The following PARP14 variants were observed in gnomAD, a reference collection of about 807,000 sequenced individuals.
The protein encoded by PARP14 is protein mono-ADP-ribosyltransferase PARP14.
Under a neutral mutation model 154.2 loss-of-function variants are expected in PARP14, and 59 were observed. The observed-to-expected ratio is 0.38, with a 90% CI of 0.31 to 0.48. The LOEUF (loss-of-function observed/expected upper bound fraction) is 0.48. Among genes scored for constraint, PARP14 ranks in the 20% least tolerant of loss-of-function variants. The pLI is 0.98. For missense variants in PARP14, 1,734 were observed against 2,131.6 expected, an observed-to-expected ratio of 0.81 and a Z score of 3.67; for synonymous variants, 720 against 780.5, an observed-to-expected ratio of 0.92 and a Z score of 1.29.
intron 2 of PARP14, 101 bp downstream of exon 2, chr3:122,685,419 G>T (rs1938340723): frequency 9.3e-7 from 1 of 1,077,788 alleles, no homozygotes; most frequent in Non-Finnish European, 1.4e-6. Flanking sequence ...AAAGCATGAA[G>T]CAAACTGCAG....
In PARP14 at chr3:122,699,454, C is replaced by G; in HGVS notation, c.900C>G (p.Tyr300Ter). The change falls in exon 6 of 17, where the codon TAC becomes TAG. Residue 300 changes from tyrosine (Y) to a stop codon, truncating the protein, a stop_gained. Coordinates refer to ENST00000474629, the MANE Select transcript of PARP14 (RefSeq NM_017554.3). LOFTEE classifies it high-confidence loss of function. ...AAATGCCACTTTCTGTGTTCCCATA[C>G]TATGCCTCATTGGGCACAGCCTTGT... Reference protein sequence around the residue: ...FNKMPLSVFPYYASLGTALYG... With the variant: ...FNKMPLSVFP 6.2e-7 allele frequency: 1 copy of G among 1,613,798 alleles called. No homozygotes were observed. Among genetic ancestry groups the G allele is most frequent in the Non-Finnish European group, 8.5e-7 (1 of 1,179,692 alleles).
chr3:122,685,245 T>C lies in PARP14; in HGVS notation c.248T>C (p.Phe83Ser), dbSNP rs1223491712. Residue 83 changes from phenylalanine (F) to serine (S), a missense_variant, in exon 2 of 17, where the codon TTC (phenylalanine) becomes TCC (serine). Coordinates refer to ENST00000474629, the MANE Select transcript of PARP14 (RefSeq NM_017554.3). ...TTGGTATGGCAAGGAAAAGGAACATTCAAGTTAACTGTCCAGTTACCTGCA... is the reference window on the plus strand; with the variant it reads ...TTGGTATGGCAAGGAAAAGGAACATCCAAGTTAACTGTCCAGTTACCTGCA... ...HELVWQGKGT[F>S]KLTVQLPATP... is the part of the protein sequence containing the mutation. The C allele has an allele frequency of 1.2e-6, 2 of 1,613,698 alleles. No homozygotes were observed. The highest frequency in any genetic ancestry group is 1.7e-6 in the Non-Finnish European group (2 of 1,179,722).
At chr3:122,692,222 GC>G in intron 3 of PARP14, 78 bp from the exon 4 acceptor site, 1 of 1,242,528 alleles carries the variant, frequency 8.0e-7, no homozygotes, top group Non-Finnish European at 1.1e-6. Flanking sequence ...AGAGGGCAGT[GC>G]CTTGTGATAA....
chr3:122,721,148 C>G, intron 15 of PARP14: 1 of 321,010 alleles, frequency 3.1e-6, no homozygotes, highest in Non-Finnish European at 6.0e-6. Flanking sequence ...TATGCTTAAA[C>G]GGTCTTTTGT....
intron 15 of PARP14, chr3:122,721,577 A>G (rs1933166974): frequency 6.6e-6 from 1 of 151,686 alleles, no homozygotes; most frequent in Non-Finnish European, 1.5e-5. Flanking sequence ...ACAGAGTGAG[A>G]CTCCGTCTCA....
In PARP14 at chr3:122,700,328, A is replaced by G. The variant is rs748486503; in HGVS notation, c.1774A>G (p.Met592Val). Residue 592 changes from methionine to valine, a missense_variant, in exon 6 of 17, where the codon ATG (methionine) becomes GTG (valine). By Grantham distance (21) the Met-to-Val change is conservative (BLOSUM62 1). This residue lies in a region of PARP14 where 1,646 missense variants were observed against 1,976.0 expected (regional missense o/e 0.83). Transcript: ENST00000474629. Reference protein sequence around the residue: ...SEALLEAEKQMLSALNYKRIE... With the variant: ...SEALLEAEKQVLSALNYKRIE... ...AGCCCTGTTAGAAGCAGAAAAGCAAATGCTCAGTGCCTTAAATTATAAGCG... is the reference window on the plus strand; with the variant it reads ...AGCCCTGTTAGAAGCAGAAAAGCAAGTGCTCAGTGCCTTAAATTATAAGCG... 5.0e-6 allele frequency: 8 copies of G among 1,613,686 alleles called. No homozygotes were observed. The highest frequency in any genetic ancestry group is 4.4e-5 in the South Asian group (4 of 91,050).
At chr3:122,695,211 G>A (rs1364035212) in intron 4 of PARP14, among the ~76,000 whole-genome samples, 1 of 152,182 alleles carries the variant, frequency 6.6e-6, no homozygotes, top group African/African-American at 2.4e-5. Flanking sequence ...CAGCTCAGTG[G>A]CAGCAATCCA....
At chr3:122,697,927 A>ACTAG (rs777336551) in intron 5 of PARP14, among the ~76,000 whole-genome samples, 1 of 152,208 alleles carries the variant, frequency 6.6e-6, no homozygotes, top group South Asian at 2.1e-4. Context: ...CTTGGTGCTT[A>ACTAG]CTAGCTTTGT....
intron 6 of PARP14, among the ~76,000 whole-genome samples, chr3:122,703,128 A>C (rs1939039701): frequency 6.6e-6 from 1 of 151,832 alleles, no homozygotes; most frequent in African/African-American, 2.4e-5. Context: ...TGACCCAGGC[A>C]GGGCAGCTTT....
intron 3 of PARP14, among the ~76,000 whole-genome samples, chr3:122,690,387 A>C (rs1452816904): frequency 6.6e-6 from 1 of 152,128 alleles, no homozygotes; most frequent in African/African-American, 2.4e-5. Flanking sequence ...CTTTATGCTT[A>C]AGCTATTTTT....
At chr3:122,694,543 T>A (rs1489836039) in intron 4 of PARP14, among the ~76,000 whole-genome samples, 2 of 152,178 alleles carry the variant, frequency 1.3e-5, no homozygotes, top group African/African-American at 2.4e-5. Flanking sequence ...CTTATTATTA[T>A]TATTATTTTA....
chr3:122,699,829 G>A lies in PARP14; in HGVS notation c.1275G>A (p.Glu425=). The part of the protein sequence containing the change: ...NDVKDDRILI[E]FDTLKEMVIL... The stretch of plus-strand genomic sequence containing the variant: ...TGAAAGATGACAGGATTTTGATTGA[G>A]TTTGATACACTTAAGGAGATGGTAA... Residue 425 remains glutamate, a synonymous_variant, in exon 6 of 17, where the codon GAG becomes GAA. Transcript: ENST00000474629. 3 of 1,613,986 alleles carry A rather than the reference G, an allele frequency of 1.9e-6. No homozygotes were observed. Among genetic ancestry groups the A allele is most frequent in the Non-Finnish European group, 2.5e-6 (3 of 1,179,854 alleles).
intron 12 of PARP14, among the ~76,000 whole-genome samples, chr3:122,717,173 G>A (rs1017546353): frequency 6.6e-6 from 1 of 152,208 alleles, no homozygotes; most frequent in Admixed American, 6.5e-5. Flanking sequence ...AGTCAAAGAA[G>A]CCTACTCTTC....
chr3:122,685,111 C>T (rs1016785293), intron 1 of PARP14, 74 bp from the exon 2 acceptor site: 45 of 1,548,476 alleles, frequency 2.9e-5, no homozygotes, highest in Non-Finnish European at 3.8e-5. Flanking sequence ...ATGCAGCCCA[C>T]GGAAATCATA....
At chr3:122,725,877 T>G (rs571991983) in intron 15 of PARP14, among the ~76,000 whole-genome samples, 18 of 152,204 alleles carry the variant, frequency 1.2e-4, no homozygotes, top group African/African-American at 3.9e-4. Flanking sequence ...TTTCCTGGTT[T>G]CTTTTGCATT....
intron 15 of PARP14, chr3:122,722,077 C>A (rs906375224): frequency 6.6e-6 from 1 of 152,150 alleles, no homozygotes; most frequent in African/African-American, 2.4e-5. Flanking sequence ...AATCAAAAAG[C>A]AAACCATTTG....
chr3:122,682,387 T>C lies in PARP14; in HGVS notation c.187+1317T>C, dbSNP rs556608432. Among the ~76,000 whole-genome samples, 26 of 152,240 alleles carry C rather than the reference T, an allele frequency of 1.7e-4. No individual in the cohort carries two copies. In the East Asian group the frequency reaches 5.0e-3, roughly 29 times the overall value. On this transcript the variant is annotated intron_variant, in intron 1 of 16. Coordinates refer to ENST00000474629, the MANE Select transcript of PARP14 (RefSeq NM_017554.3). ...CTGGAGAGCAGGTTAACCAGGCACCTTCCCAGCTCTGTTTTAGAGATTCAG... is the reference window on the plus strand; with the variant it reads ...CTGGAGAGCAGGTTAACCAGGCACCCTCCCAGCTCTGTTTTAGAGATTCAG...
intron 4 of PARP14, among the ~76,000 whole-genome samples, chr3:122,692,812 T>G (rs1293504393): frequency 6.6e-6 from 1 of 151,640 alleles, no homozygotes; most frequent in African/African-American, 2.4e-5. Context: ...GCAGAGAGGG[T>G]AAGAAAGTGC....
intron 12 of PARP14, among the ~76,000 whole-genome samples, chr3:122,715,896 A>G (rs748627458): frequency 2.0e-5 from 3 of 152,202 alleles, no homozygotes; most frequent in Non-Finnish European, 4.4e-5. Flanking sequence ...TTTTGTATAA[A>G]TATGTACACA....
Sources: allele counts gnomAD v4.1 joint callset (sites outside exome capture counted in the v4.1 genomes callset), GRCh38; gene constraint gnomAD v4.1.1; regional missense constraint gnomAD v4.1.1; transcripts MANE v1.5; gene names NCBI Gene and HGNC (gene_info 2026-07-23, HGNC 2026-07-21).